Variants in IL1RAP observed in about 807,000 individuals in gnomAD.
IL1RAP encodes the protein interleukin-1 receptor accessory protein.
Under a neutral mutation model 60.7 loss-of-function variants are expected in IL1RAP, and 35 were observed. The ratio of observed to expected loss-of-function variants is 0.58; its 90% confidence interval spans 0.44 to 0.76. The LOEUF (loss-of-function observed/expected upper bound fraction) is 0.76, where lower values mean the gene tolerates loss of function less well. Ranked by LOEUF, IL1RAP falls within the 30% of genes least tolerant of loss-of-function variation. IL1RAP has a pLI of 0.00. For missense variants in IL1RAP, 572 were observed against 693.9 expected, an observed-to-expected ratio of 0.82 and a Z score of 1.97; for synonymous variants, 268 against 250.9, an observed-to-expected ratio of 1.07 and a Z score of -0.64.
intron 3 of IL1RAP, among the ~76,000 whole-genome samples, chr3:190,583,937 T>C (rs148333516): frequency 1.4e-3 from 212 of 152,302 alleles, no homozygotes; most frequent in African/African-American, 4.9e-3. Context: ...TTTTTTGGTG[T>C]AAGAAGTCTG....
At chr3:190,565,891 C>T (rs1205476613) in intron 3 of IL1RAP, among the ~76,000 whole-genome samples, 1 of 152,140 alleles carries the variant, frequency 6.6e-6, no homozygotes, top group Non-Finnish European at 1.5e-5. Flanking sequence ...ACTCTCTCTC[C>T]CTCCATCCTG....
Position 190,649,990 on chromosome 3 carries a change from A to G in IL1RAP, c.*1285A>G, listed in dbSNP as rs1734297952. The G allele has an allele frequency of 1.6e-6, 1 of 637,756 alleles. No homozygotes were observed. Among genetic ancestry groups the G allele is most frequent in the Non-Finnish European group, 1.9e-6 (1 of 513,356 alleles). The allele number at this position is 637,756 out of a possible 1,614,324, so 39.5% of individuals were successfully genotyped here. ...ATATATCTTATATCTCCACAAACAC[A>G]AATTATATATATACATATCCACACA... On this transcript the variant is annotated 3_prime_UTR_variant, in exon 12 of 12. Transcript: ENST00000447382.
chr3:190,592,664 A>T (rs1013591970), intron 3 of IL1RAP, among the ~76,000 whole-genome samples: 12 of 152,232 alleles, frequency 7.9e-5, no homozygotes, highest in Middle Eastern at 3.2e-3. Flanking sequence ...TACTGACTGC[A>T]AACTGCTCGG....
chr3:190,575,351 T>G (rs1355980453), intron 3 of IL1RAP, among the ~76,000 whole-genome samples: 2 of 152,168 alleles, frequency 1.3e-5, no homozygotes, highest in Non-Finnish European at 2.9e-5. Context: ...CCTCATGAAA[T>G]TCACAGTCTT....
chr3:190,652,468 A>G (rs1734446756), downstream of IL1RAP, among the ~76,000 whole-genome samples: 2 of 152,106 alleles, frequency 1.3e-5, no homozygotes. Flanking sequence ...AAAAAAAAAA[A>G]AAATCCTATT....
chr3:190,632,513 C>T (rs1453708834), intron 9 of IL1RAP, among the ~76,000 whole-genome samples: 2 of 152,104 alleles, frequency 1.3e-5, no homozygotes, highest in East Asian at 1.9e-4. Flanking sequence ...AAATAAAAGT[C>T]CTGTGTCAGA....
At chr3:190,520,400 T>C (rs1721910956) in intron 1 of IL1RAP, 1 of 152,090 alleles carries the variant, frequency 6.6e-6, no homozygotes, top group African/African-American at 2.4e-5. Context: ...GGTCACAAAA[T>C]CAGACAATGA....
intron 1 of IL1RAP, among the ~76,000 whole-genome samples, chr3:190,554,077 A>G (rs1245047493): frequency 1.3e-5 from 2 of 150,702 alleles, no homozygotes; most frequent in Admixed American, 6.6e-5. Flanking sequence ...AAAAAAAAAA[A>G]AAAAAAAAAA....
At chr3:190,645,560 G>A (rs556010083) in intron 10 of IL1RAP, 139 bp from the exon 11 acceptor site, 6 of 645,644 alleles carry the variant, frequency 9.3e-6, no homozygotes, top group Admixed American at 9.0e-5. Context: ...TTTGCGTGGA[G>A]ACTTGTTGCA....
At chr3:190,618,223 ACTGT>A (rs942377363) in intron 5 of IL1RAP, among the ~76,000 whole-genome samples, 8 of 152,320 alleles carry the variant, frequency 5.3e-5, no homozygotes, top group African/African-American at 1.9e-4. Context: ...CAGCTTTAAC[ACTGT>A]CTGGTGGTAT....
intron 1 of IL1RAP, among the ~76,000 whole-genome samples, chr3:190,532,921 T>TA (rs1469696462): frequency 6.6e-6 from 1 of 152,194 alleles, no homozygotes; most frequent in Non-Finnish European, 1.5e-5. Flanking sequence ...GGAGATGCCT[T>TA]AATCAATTGA....
chr3:190,571,918 C>A (rs1039309956), intron 3 of IL1RAP, among the ~76,000 whole-genome samples: 2 of 151,090 alleles, frequency 1.3e-5, no homozygotes, highest in East Asian at 3.9e-4. Flanking sequence ...TCTTCTTCTT[C>A]CAAAGTGGCA....
chr3:190,537,517 C>T (rs1723568540), intron 1 of IL1RAP, among the ~76,000 whole-genome samples: 1 of 152,116 alleles, frequency 6.6e-6, no homozygotes, highest in Non-Finnish European at 1.5e-5. Flanking sequence ...TTTTAGGCTG[C>T]TGAATGGTGA....
chr3:190,620,199 G>A, intron 5 of IL1RAP, 76 bp from the exon 6 acceptor site: 1 of 729,748 alleles, frequency 1.4e-6, no homozygotes, highest in African/African-American at 1.8e-5. Flanking sequence ...AAAATTAGAT[G>A]TGAGTGTGCG....
chr3:190,648,505 G>A lies in IL1RAP; in HGVS notation c.1513G>A (p.Ala505Thr), dbSNP rs755886349. ...NINVILVQYK[A>T]VKETKVKELK... ...CAACGTCATTTTAGTACAGTACAAA[G>A]CTGTGAAGGAAACGAAGGTGAAAGA... Residue 505 changes from alanine to threonine, a missense_variant, in exon 12 of 12, where the codon GCT becomes ACT. By Grantham distance (58) the Ala-to-Thr change is moderately conservative (BLOSUM62 0). Coordinates refer to ENST00000447382, the MANE Select transcript of IL1RAP (RefSeq NM_002182.4). 1.9e-6 allele frequency: 3 copies of A among 1,614,080 alleles called. No homozygotes were observed. The South Asian group carries it at 3.3e-5, about 18-fold the overall frequency.
chr3:190,634,994 C>T (rs1322058175), intron 9 of IL1RAP, among the ~76,000 whole-genome samples: 3 of 152,248 alleles, frequency 2.0e-5, no homozygotes, highest in African/African-American at 4.8e-5. Flanking sequence ...GGATTACAGG[C>T]GTGAGCCACC....
downstream of IL1RAP, among the ~76,000 whole-genome samples, chr3:190,655,674 A>G (rs1734594650): frequency 6.6e-6 from 1 of 151,702 alleles, no homozygotes; most frequent in South Asian, 2.1e-4. Context: ...AGAGAGACTG[A>G]GCTCAACTAC....
At chr3:190,577,591 A>G (rs1406751369) in intron 3 of IL1RAP, among the ~76,000 whole-genome samples, 1 of 152,140 alleles carries the variant, frequency 6.6e-6, no homozygotes, top group Non-Finnish European at 1.5e-5. Flanking sequence ...TCTGTTACCT[A>G]GGCTAGAGTG....
rs192439695 is a variant in IL1RAP, at chr3:190,599,112, A to G, written c.65-5016A>G. On this transcript the variant is annotated intron_variant, in intron 3 of 11. Coordinates refer to ENST00000447382, the MANE Select transcript of IL1RAP (RefSeq NM_002182.4). ...TTATTGGAGGTTTCCAATCCCTACTACCTATACTGGTTCGTTACCAAGCCC... is the reference window on the plus strand; with the variant it reads ...TTATTGGAGGTTTCCAATCCCTACTGCCTATACTGGTTCGTTACCAAGCCC... Among the ~76,000 whole-genome samples, 57 of 152,060 alleles carry G rather than the reference A, an allele frequency of 3.7e-4. No individual in the cohort carries two copies. The Middle Eastern group carries it at 0.014, about 36-fold the overall frequency.
Sources: allele counts gnomAD v4.1 joint callset (sites outside exome capture counted in the v4.1 genomes callset), GRCh38; gene constraint gnomAD v4.1.1; transcripts MANE v1.5; gene names NCBI Gene and HGNC (gene_info 2026-07-23, HGNC 2026-07-21).